Variants in FIGN observed in about 807,000 individuals in gnomAD.
FIGN encodes fidgetin.
A neutral mutation model predicts 51.3 loss-of-function variants in FIGN; 11 were observed. The ratio of observed to expected loss-of-function variants is 0.21; its 90% CI spans 0.13 to 0.35. The LOEUF (loss-of-function observed/expected upper bound fraction) is 0.35. FIGN is among the 10% of genes least tolerant of loss of function. The probability of loss-of-function intolerance (pLI) is 1.00; values close to 1 mark genes in which losing one functional copy is unlikely to be tolerated. For synonymous variants in FIGN, 407 were observed against 363.2 expected (o/e 1.12, Z -1.37); for missense variants, 857 against 943.6 (o/e 0.91, Z 1.20).
chr2:163,605,250 G>A lies in FIGN; in HGVS notation c.*4302C>T, dbSNP rs1204362299. Reference sequence around the variant, plus strand: ...TGTTCATTAAAGATGCAGTATCCCTGGTTCACACAAATGCATCTGGCAGGT... The same window carrying A: ...TGTTCATTAAAGATGCAGTATCCCTAGTTCACACAAATGCATCTGGCAGGT... On this transcript the variant is annotated 3_prime_UTR_variant, in exon 3 of 3. Coordinates refer to ENST00000333129, the MANE Select transcript of FIGN (RefSeq NM_018086.4). 3 of 151,938 alleles carry A rather than the reference G, an allele frequency of 2.0e-5. No individual in the cohort carries two copies. In the East Asian group the frequency reaches 5.8e-4, roughly 29 times the overall value. 9.4% of individuals were successfully genotyped at this position (151,938 alleles called of 1,614,324 possible).
rs1447706563 is a variant in FIGN, at chr2:163,609,164, A to G, written c.*388T>C. The G allele has an allele frequency of 5.4e-6, 1 of 186,544 alleles. No homozygotes were observed. Among genetic ancestry groups the G allele is most frequent in the Non-Finnish European group, 1.1e-5 (1 of 89,584 alleles). 11.6% of individuals were successfully genotyped at this position (186,544 alleles called of 1,614,324 possible). On this transcript the variant is annotated 3_prime_UTR_variant, in exon 3 of 3. Transcript: ENST00000333129. ...TATATTAGCACATGCCACCAATGTA[A>G]TTGTGAGGCAAACAAAAAATAAAGC... is the stretch of plus-strand genomic sequence containing the variant.
At chr2:163,670,446 A>G (rs576302079) in intron 2 of FIGN, among the ~76,000 whole-genome samples, 1 of 152,354 alleles carries the variant, frequency 6.6e-6, no homozygotes, top group Non-Finnish European at 1.5e-5. Context: ...ATGTAGTGCT[A>G]TATGAACATA....
intron 2 of FIGN, among the ~76,000 whole-genome samples, chr2:163,724,731 T>G (rs10192119): frequency 0.27 from 41,657 of 151,954 alleles, 7,572 homozygotes; most frequent in African/African-American, 0.52. Context: ...TTCTGTCACT[T>G]CATTTGTGGC....
intron 2 of FIGN, among the ~76,000 whole-genome samples, chr2:163,717,128 G>A (rs1047324425): frequency 2.0e-5 from 3 of 152,132 alleles, no homozygotes; most frequent in Non-Finnish European, 4.4e-5. Context: ...GATAAAAAGA[G>A]GATTCTCCTA....
At chr2:163,622,613 G>A (rs1682992254) in intron 2 of FIGN, among the ~76,000 whole-genome samples, 1 of 151,864 alleles carries the variant, frequency 6.6e-6, no homozygotes, top group African/African-American at 2.4e-5. Flanking sequence ...CCAGGCTGGA[G>A]CATGGTGGCA....
intron 2 of FIGN, among the ~76,000 whole-genome samples, chr2:163,636,832 A>G (rs1415778983): frequency 2.0e-5 from 3 of 152,056 alleles, no homozygotes; most frequent in Non-Finnish European, 4.4e-5. Context: ...AGATATTAAG[A>G]AAAATAAAAC....
chr2:163,731,663 G>A (rs1298758328), intron 2 of FIGN, among the ~76,000 whole-genome samples: 1 of 150,546 alleles, frequency 6.6e-6, no homozygotes, highest in African/African-American at 2.4e-5. Flanking sequence ...ACTGTTTTAA[G>A]AATCTTACTG....
chr2:163,694,158 T>C (rs1048726142), intron 2 of FIGN, among the ~76,000 whole-genome samples: 1 of 152,206 alleles, frequency 6.6e-6, no homozygotes, highest in Non-Finnish European at 1.5e-5. Flanking sequence ...AACTACGTCA[T>C]ATTCCAAGCA....
At position 163,610,028 on chromosome 2, in the gene FIGN, C is replaced by A. The variant is rs778134806; in HGVS notation, c.1804G>T (p.Val602Phe). 4.3e-6 allele frequency: 7 copies of A among 1,614,042 alleles called. No homozygotes were observed. In the Admixed American group the frequency reaches 1.0e-4, roughly 23 times the overall value. The stretch of plus-strand genomic sequence containing the variant: ...AGAAATTCGGTTCTCATCCGACTGA[C>A]TGGACTATGTTCCTCATTCACTTGA... ...SSQVNEEHSP[V>F]SRMRTEFLMQ... Residue 602 changes from valine to phenylalanine, a missense_variant, in exon 3 of 3, where the codon GTC becomes TTC. Val to Phe is a conservative substitution (Grantham distance 50). This residue lies in a region of FIGN where 799 missense variants were observed against 849.5 expected (regional missense o/e 0.94). Coordinates refer to ENST00000333129, the MANE Select transcript of FIGN (RefSeq NM_018086.4).
At chr2:163,684,772 CT>C (rs924122718) in intron 2 of FIGN, among the ~76,000 whole-genome samples, 2 of 151,806 alleles carry the variant, frequency 1.3e-5, no homozygotes, top group African/African-American at 2.4e-5. Flanking sequence ...TGTCAGTTTC[CT>C]TTTTTTCTTC....
chr2:163,689,229 G>A (rs1041718460), intron 2 of FIGN, among the ~76,000 whole-genome samples: 25 of 151,542 alleles, frequency 1.6e-4, no homozygotes, highest in African/African-American at 6.1e-4. Flanking sequence ...GAGATTATGA[G>A]AGGCTGGAGC....
chr2:163,674,930 T>C (rs896888114), intron 2 of FIGN, among the ~76,000 whole-genome samples: 1 of 152,210 alleles, frequency 6.6e-6, no homozygotes, highest in African/African-American at 2.4e-5. Flanking sequence ...TAGGTGGAAC[T>C]TGAACCTTTG....
In FIGN at chr2:163,638,613, T is replaced by C. The variant is rs564399748; in HGVS notation, c.26-26807A>G. Reference sequence around the variant, plus strand: ...AGGAAGAAATATCAATTCCATTTGTTTGGAAGATGAACATTTCAGTTACTA... The same window carrying C: ...AGGAAGAAATATCAATTCCATTTGTCTGGAAGATGAACATTTCAGTTACTA... On this transcript the variant is annotated intron_variant, in intron 2 of 2. Coordinates refer to ENST00000333129, the MANE Select transcript of FIGN (RefSeq NM_018086.4). Among the ~76,000 whole-genome samples the C allele has an allele frequency of 3.0e-4, 46 of 152,276 alleles. No individual in the cohort carries two copies. The South Asian group carries it at 9.1e-3, about 30-fold the overall frequency.
At chr2:163,663,054 C>A (rs576149015) in intron 2 of FIGN, among the ~76,000 whole-genome samples, 1 of 151,944 alleles carries the variant, frequency 6.6e-6, no homozygotes, top group Non-Finnish European at 1.5e-5. Context: ...ACTAATACAA[C>A]GATGTTGGCC....
At chr2:163,715,262 C>T (rs1006983056) in intron 2 of FIGN, among the ~76,000 whole-genome samples, 1 of 152,142 alleles carries the variant, frequency 6.6e-6, no homozygotes, top group Non-Finnish European at 1.5e-5. Context: ...CTCACCAGTG[C>T]GCTGACCCTC....
At chr2:163,644,578 C>T (rs949937570) in intron 2 of FIGN, among the ~76,000 whole-genome samples, 10 of 152,090 alleles carry the variant, frequency 6.6e-5, no homozygotes, top group Admixed American at 3.3e-4. Context: ...TTCACTCTTA[C>T]GGATATACCC....
chr2:163,669,035 T>TAC (rs1553499091), intron 2 of FIGN, among the ~76,000 whole-genome samples: 53 of 148,604 alleles, frequency 3.6e-4, no homozygotes, highest in African/African-American at 8.4e-4. Flanking sequence ...TATATATATA[T>TAC]ACACTATAAA....
At chr2:163,723,549 G>C (rs1684792664) in intron 2 of FIGN, among the ~76,000 whole-genome samples, 1 of 152,132 alleles carries the variant, frequency 6.6e-6, no homozygotes, top group Non-Finnish European at 1.5e-5. Context: ...TGCAACAACT[G>C]ACCTGGATAC....
chr2:163,613,174 G>T (rs2105300838), intron 2 of FIGN, among the ~76,000 whole-genome samples: 1 of 152,080 alleles, frequency 6.6e-6, no homozygotes. Flanking sequence ...CTGGTACCCT[G>T]TTCTCCTTTT....
Sources: gnomAD v4.1 joint callset for allele counts (sites outside exome capture counted in the v4.1 genomes callset) on GRCh38, gnomAD v4.1.1 for gene constraint, gnomAD v4.1.1 regional missense constraint, MANE v1.5 for transcripts, NCBI Gene and HGNC (gene_info 2026-07-23, HGNC 2026-07-21) for gene names.